Variants in RORA observed in about 807,000 individuals in gnomAD.
RORA encodes RAR related orphan receptor A, also known as nuclear receptor ROR-alpha.
In RORA, 7 loss-of-function variants were observed where a neutral mutation model predicts 69.5. The ratio of observed to expected loss-of-function variants is 0.10; its 90% confidence interval spans 0.06 to 0.19. The LOEUF (loss-of-function observed/expected upper bound fraction) is 0.19, where lower values mean the gene tolerates loss of function less well. RORA is among the 10% of genes least tolerant of loss of function. The pLI is 1.00. For synonymous variants in RORA, 261 were observed against 240.8 expected, an observed-to-expected ratio of 1.08 and a Z score of -0.78; for missense variants, 457 against 663.0, an observed-to-expected ratio of 0.69 and a Z score of 3.41.
At chr15:60,999,255 C>T (rs547386572) in intron 1 of RORA, among the ~76,000 whole-genome samples, 12 of 152,284 alleles carry the variant, frequency 7.9e-5, no homozygotes, top group East Asian at 5.8e-4. Context: ...ATTCCTCTCA[C>T]GGCATACGGA....
chr15:60,565,508 C>T (rs2067689580), intron 2 of RORA, among the ~76,000 whole-genome samples: 1 of 152,226 alleles, frequency 6.6e-6, no homozygotes, highest in Non-Finnish European at 1.5e-5. Flanking sequence ...TGAGCCTACA[C>T]CAATGTTATT....
intron 1 of RORA, among the ~76,000 whole-genome samples, chr15:61,170,260 T>G (rs1023767359): frequency 6.6e-6 from 1 of 152,242 alleles, no homozygotes; most frequent in Non-Finnish European, 1.5e-5. Flanking sequence ...GTATTTCTTC[T>G]GAAAGCTGTA....
chr15:60,950,567 A>G (rs1445712796), intron 1 of RORA, among the ~76,000 whole-genome samples: 1 of 140,688 alleles, frequency 7.1e-6, no homozygotes, highest in Non-Finnish European at 1.5e-5. Context: ...AGACACACAT[A>G]GGCTCAAAAT....
At position 60,763,052 on chromosome 15, in the gene RORA, C is replaced by A. The variant is rs568837077; in HGVS notation, c.167-84366G>T. ...TTAATTACAAATAAAAGTACTGTTTCCAATATGCACAGATTTTTTTTTTTT... is the reference window on the plus strand; with the variant it reads ...TTAATTACAAATAAAAGTACTGTTTACAATATGCACAGATTTTTTTTTTTT... On this transcript the variant is annotated intron_variant, in intron 1 of 10. Coordinates refer to ENST00000335670, the MANE Select transcript of RORA (RefSeq NM_134261.3). Among the ~76,000 whole-genome samples, 35 of 111,218 alleles carry A rather than the reference C, an allele frequency of 3.1e-4. No homozygotes were observed. The East Asian group carries it at 0.01, about 33-fold the overall frequency. The allele number at this position is 111,218 out of a possible 152,430, so 73.0% of individuals were successfully genotyped here.
At chr15:60,955,298 T>A (rs1393293564) in intron 1 of RORA, among the ~76,000 whole-genome samples, 3 of 152,184 alleles carry the variant, frequency 2.0e-5, no homozygotes, top group Non-Finnish European at 4.4e-5. Flanking sequence ...CAAGACTCCA[T>A]CTCAAAAACA....
intron 1 of RORA, among the ~76,000 whole-genome samples, chr15:61,133,477 GA>G (rs2079210031): frequency 6.6e-6 from 1 of 152,186 alleles, no homozygotes; most frequent in South Asian, 2.1e-4. Flanking sequence ...AGAATCTGGA[GA>G]AGCATCTATG....
chr15:60,720,138 T>C (rs749841809), intron 1 of RORA, among the ~76,000 whole-genome samples: 5 of 152,176 alleles, frequency 3.3e-5, no homozygotes, highest in Non-Finnish European at 5.9e-5. Context: ...TGTGTGTTAC[T>C]GTAAACACTA....
intron 1 of RORA, among the ~76,000 whole-genome samples, chr15:61,160,166 G>C (rs1054069174): frequency 2.6e-5 from 4 of 152,130 alleles, no homozygotes; most frequent in Admixed American, 1.3e-4. Flanking sequence ...TCATGTTCCT[G>C]GCACGAAGCA....
At chr15:60,783,013 C>T (rs1236091364) in intron 1 of RORA, among the ~76,000 whole-genome samples, 1 of 152,168 alleles carries the variant, frequency 6.6e-6, no homozygotes, top group East Asian at 1.9e-4. Context: ...AAGCAAAATA[C>T]TACACAAATT....
intron 1 of RORA, among the ~76,000 whole-genome samples, chr15:61,119,913 G>A (rs889003959): frequency 7.2e-5 from 11 of 152,146 alleles, no homozygotes; most frequent in African/African-American, 2.7e-4. Flanking sequence ...AGGGGTTGAG[G>A]GCAACAAAAG....
At chr15:60,736,753 A>C (rs2071505884) in intron 1 of RORA, 1 of 152,198 alleles carries the variant, frequency 6.6e-6, no homozygotes, top group Admixed American at 6.5e-5. Flanking sequence ...GAAACATTCA[A>C]TAAACAGTTA....
At chr15:61,052,402 T>C (rs1435477585) in intron 1 of RORA, among the ~76,000 whole-genome samples, 1 of 152,238 alleles carries the variant, frequency 6.6e-6, no homozygotes, top group Non-Finnish European at 1.5e-5. Flanking sequence ...CTCCTTTGAA[T>C]TACAGTTAAC....
intron 1 of RORA, among the ~76,000 whole-genome samples, chr15:61,036,354 C>G (rs1287026496): frequency 6.6e-6 from 1 of 152,180 alleles, no homozygotes; most frequent in African/African-American, 2.4e-5. Flanking sequence ...TGCTTCACAT[C>G]TCCATTGGTT....
chr15:60,710,890 A>G (rs1201993964), intron 1 of RORA, among the ~76,000 whole-genome samples: 5 of 151,904 alleles, frequency 3.3e-5, no homozygotes, highest in African/African-American at 1.2e-4. Flanking sequence ...GCACACAAAC[A>G]ATCAGGACCT....
chr15:61,043,671 C>T (rs1214086043), intron 1 of RORA, among the ~76,000 whole-genome samples: 1 of 152,264 alleles, frequency 6.6e-6, no homozygotes, highest in South Asian at 2.1e-4. Context: ...TGCCACATCC[C>T]AATACACTGC....
rs1596014474 is a variant in RORA at position 61,131,099 on chromosome 15, C to G, written c.166+97954G>C. ...CTGTAATATCCAGTGAGGCAAAACC[C>G]AAGTCACTCAAGAGTGGGAAGGATT... On this transcript the variant is annotated intron_variant, in intron 1 of 10. Coordinates refer to ENST00000335670, the MANE Select transcript of RORA (RefSeq NM_134261.3). The surrounding 1 kb of genome is among the most constrained non-coding windows in gnomAD (Gnocchi z 4.2). Among the ~76,000 whole-genome samples, 2 of 152,160 alleles carry G rather than the reference C, an allele frequency of 1.3e-5. No individual in the cohort carries two copies. The highest frequency in any genetic ancestry group is 6.5e-5 in the Admixed American group (1 of 15,270).
intron 1 of RORA, among the ~76,000 whole-genome samples, chr15:60,924,809 T>C (rs1039071537): frequency 4.3e-4 from 66 of 152,194 alleles, no homozygotes; most frequent in African/African-American, 1.6e-3. Flanking sequence ...CCAGGCACAG[T>C]GGCTCATGCC....
At chr15:60,796,821 G>A (rs1302079451) in intron 1 of RORA, among the ~76,000 whole-genome samples, 1 of 151,506 alleles carries the variant, frequency 6.6e-6, no homozygotes, top group African/African-American at 2.4e-5. Context: ...GACAAAATGT[G>A]GTACATTCAT....
At chr15:61,136,165 G>T (rs1387449771) in intron 1 of RORA, among the ~76,000 whole-genome samples, 2 of 152,154 alleles carry the variant, frequency 1.3e-5, no homozygotes, top group African/African-American at 4.8e-5. Context: ...AAGCACAGAA[G>T]CTGGCCTTCC....
Sources: allele counts gnomAD v4.1 joint callset (sites outside exome capture counted in the v4.1 genomes callset), GRCh38; gene constraint gnomAD v4.1.1; non-coding constraint Gnocchi (gnomAD v3.1); transcripts MANE v1.5; gene names NCBI Gene and HGNC (gene_info 2026-07-23, HGNC 2026-07-21).